The following HIVEP2 variants were observed in gnomAD, a reference collection of about 807,000 sequenced individuals.
The protein encoded by HIVEP2 is HIVEP zinc finger 2.
HIVEP2 carries 14 observed loss-of-function variants against 180.7 expected under a neutral mutation model. The observed-to-expected ratio is 0.08, with a 90% CI of 0.05 to 0.12. The LOEUF (loss-of-function observed/expected upper bound fraction) is 0.12, where lower values mean the gene tolerates loss of function less well. Ranked by LOEUF, HIVEP2 falls within the 10% of genes least tolerant of loss-of-function variation. The probability of loss-of-function intolerance (pLI) is 1.00; values close to 1 mark genes in which losing one functional copy is unlikely to be tolerated. For synonymous variants in HIVEP2, 1,184 were observed against 1,136.4 expected (o/e 1.04, Z -0.84); for missense variants, 2,579 against 3,008.5 (o/e 0.86, Z 3.34).
intron 2 of HIVEP2, among the ~76,000 whole-genome samples, chr6:142,817,253 A>C (rs1290028551): frequency 2.0e-5 from 3 of 152,204 alleles, no homozygotes; most frequent in Non-Finnish European, 4.4e-5. Context: ...TGGCTAAAAT[A>C]CTGTGGCTCC....
chr6:142,803,566 T>TACACACACACACACACACACAC (rs10688831), intron 2 of HIVEP2, among the ~76,000 whole-genome samples: 31 of 141,730 alleles, frequency 2.2e-4, no homozygotes, highest in African/African-American at 5.5e-4. Context: ...ATATATAGCA[T>TACACACACACACACACACACAC]ACACACACAC....
intron 1 of HIVEP2, among the ~76,000 whole-genome samples, chr6:142,938,529 C>T (rs1434365913): frequency 6.6e-6 from 1 of 152,212 alleles, no homozygotes; most frequent in Non-Finnish European, 1.5e-5. Context: ...CTGCAACTAT[C>T]AGGATGAGAA....
At chr6:142,910,807 T>C (rs1777383420) in intron 1 of HIVEP2, among the ~76,000 whole-genome samples, 1 of 152,170 alleles carries the variant, frequency 6.6e-6, no homozygotes, top group Admixed American at 6.5e-5. Flanking sequence ...CTCTTAACAT[T>C]AAGGTTCCCT....
chr6:142,773,087 G>T lies in HIVEP2; in HGVS notation c.1652C>A (p.Ala551Glu). The change falls in exon 5 of 10, where the codon GCA becomes GAA. Residue 551 changes from alanine (A) to glutamate (E), a missense_variant. Physicochemically the swap from Ala to Glu is moderately radical, Grantham distance 107 (BLOSUM62 -1). This residue lies in a region of HIVEP2 where 524 missense variants were observed against 563.6 expected (regional missense o/e 0.93). Coordinates refer to ENST00000367603, the MANE Select transcript of HIVEP2 (RefSeq NM_006734.4). The part of the protein sequence containing the change: ...IRSNSVPTSS[A>E]TNLTIPPSLR... ...AGAAGGAGGAATAGTTAGATTAGTT[G>T]CTGAAGAAGTTGGCACTGAGTTGCT... The T allele has an allele frequency of 6.2e-7, 1 of 1,614,270 alleles. No homozygotes were observed. Among genetic ancestry groups the T allele is most frequent in the South Asian group, 1.1e-5 (1 of 91,088 alleles).
chr6:142,891,814 T>C (rs2128421184), intron 1 of HIVEP2, among the ~76,000 whole-genome samples: 1 of 152,324 alleles, frequency 6.6e-6, no homozygotes. Flanking sequence ...TGCTGGTTCT[T>C]TGTCCTCTCT....
At chr6:142,872,042 C>A (rs571130860) in intron 1 of HIVEP2, among the ~76,000 whole-genome samples, 37 of 152,232 alleles carry the variant, frequency 2.4e-4, no homozygotes, top group Non-Finnish European at 4.0e-4. Flanking sequence ...TGCCATTACC[C>A]GAGAAAACCC....
At chr6:142,914,615 A>G (rs1194204048) in intron 1 of HIVEP2, among the ~76,000 whole-genome samples, 1 of 152,214 alleles carries the variant, frequency 6.6e-6, no homozygotes, top group Non-Finnish European at 1.5e-5. Flanking sequence ...TGACTATTCA[A>G]AACCTGATGT....
chr6:142,844,548 C>G (rs1775456796), intron 1 of HIVEP2, among the ~76,000 whole-genome samples: 2 of 152,132 alleles, frequency 1.3e-5, no homozygotes, highest in Admixed American at 6.5e-5. Flanking sequence ...TATGGTTTAG[C>G]CACAGTTACT....
intron 1 of HIVEP2, among the ~76,000 whole-genome samples, chr6:142,891,143 C>T (rs1052663441): frequency 2.1e-4 from 32 of 152,136 alleles, no homozygotes; most frequent in Non-Finnish European, 1.0e-4. Context: ...AAGTTCTCTT[C>T]GGGACAACTC....
intron 1 of HIVEP2, among the ~76,000 whole-genome samples, chr6:142,889,344 C>T (rs1776795347): frequency 6.6e-6 from 1 of 152,012 alleles, no homozygotes; most frequent in African/African-American, 2.4e-5. Flanking sequence ...GCACCTGTAG[C>T]CCTAGCTACT....
chr6:142,814,303 T>G lies in HIVEP2; in HGVS notation c.-528+22632A>C, dbSNP rs541823513. Among the ~76,000 whole-genome samples the G allele has an allele frequency of 4.6e-5, 7 of 152,324 alleles. No homozygotes were observed. The South Asian group carries it at 1.4e-3, about 32-fold the overall frequency. On this transcript the variant is annotated intron_variant, in intron 2 of 9. Coordinates refer to ENST00000367603, the MANE Select transcript of HIVEP2 (RefSeq NM_006734.4). ...ATGTTGGTATTACTAATGTATACCC[T>G]AAAGCACTGGGAAGTCATCAAAAAT...
chr6:142,815,230 C>T (rs999089123), intron 2 of HIVEP2, among the ~76,000 whole-genome samples: 3 of 152,116 alleles, frequency 2.0e-5, no homozygotes, highest in Non-Finnish European at 2.9e-5. Flanking sequence ...TTGGGGGGGA[C>T]ACATTCAAAC....
intron 3 of HIVEP2, among the ~76,000 whole-genome samples, 193 bp downstream of exon 3, chr6:142,783,326 CAA>C (rs567202980): frequency 0.042 from 2,974 of 70,288 alleles, 11 homozygotes; most frequent in Middle Eastern, 0.062. Flanking sequence ...GACTCCGTCA[CAA>C]AAAAAAAAAA....
intron 1 of HIVEP2, among the ~76,000 whole-genome samples, chr6:142,942,744 A>G (rs1436267348): frequency 6.6e-6 from 1 of 152,126 alleles, no homozygotes; most frequent in East Asian, 1.9e-4. Context: ...ACCATTCCCA[A>G]AATTGTCCCC....
chr6:142,878,025 C>T (rs1776486792), intron 1 of HIVEP2, among the ~76,000 whole-genome samples: 1 of 152,090 alleles, frequency 6.6e-6, no homozygotes, highest in African/African-American at 2.4e-5. Flanking sequence ...TGATGCAGCA[C>T]TCTTCCAATA....
At chr6:142,929,024 T>C (rs1777881981) in intron 1 of HIVEP2, among the ~76,000 whole-genome samples, 1 of 152,232 alleles carries the variant, frequency 6.6e-6, no homozygotes, top group South Asian at 2.1e-4. Flanking sequence ...GATATCTGTT[T>C]CCTGAATGAT....
intron 1 of HIVEP2, among the ~76,000 whole-genome samples, chr6:142,884,434 A>G (rs1282744051): frequency 2.0e-5 from 3 of 152,166 alleles, no homozygotes; most frequent in Non-Finnish European, 2.9e-5. Flanking sequence ...CACTAAAAGG[A>G]GTGTTTTAAT....
At chr6:142,787,009 A>G (rs1776014752) in intron 2 of HIVEP2, among the ~76,000 whole-genome samples, 1 of 152,160 alleles carries the variant, frequency 6.6e-6, no homozygotes, top group Non-Finnish European at 1.5e-5. Flanking sequence ...GTAGTGGCTC[A>G]CACCTGTAAT....
chr6:142,919,466 G>A (rs902653333), intron 1 of HIVEP2, among the ~76,000 whole-genome samples: 5 of 152,092 alleles, frequency 3.3e-5, no homozygotes, highest in Admixed American at 2.0e-4. Flanking sequence ...ATCAGGAACC[G>A]TCTATAAATG....
Sources: allele counts gnomAD v4.1 joint callset (sites outside exome capture counted in the v4.1 genomes callset), GRCh38; gene constraint gnomAD v4.1.1; regional missense constraint gnomAD v4.1.1; transcripts MANE v1.5; gene names NCBI Gene and HGNC (gene_info 2026-07-23, HGNC 2026-07-21).